Variants in NT5C1B observed in about 807,000 individuals in gnomAD.
NT5C1B encodes 5'-nucleotidase, cytosolic IB, also known as cytosolic 5'-nucleotidase 1B.
NT5C1B carries 44 observed loss-of-function variants against 57.8 expected under a neutral mutation model. The observed-to-expected ratio is 0.76, with a 90% CI of 0.60 to 0.98. NT5C1B has a LOEUF of 0.98. Among genes scored for constraint, NT5C1B ranks in the 50% least tolerant of loss-of-function variants. The pLI, the probability that NT5C1B is intolerant of heterozygous loss-of-function variation, is 0.00. For missense variants in NT5C1B, 742 were observed against 719.5 expected, an observed-to-expected ratio of 1.03 and a Z score of -0.36; for synonymous variants, 284 against 282.6, an observed-to-expected ratio of 1.00 and a Z score of -0.05.
chr2:18,585,046 T>C (rs1666573689), intron 3 of NT5C1B, 68 bp from the exon 4 acceptor site: 2 of 1,585,420 alleles, frequency 1.3e-6, no homozygotes, highest in African/African-American at 1.3e-5. Context: ...GATCTGTCCC[T>C]TCTGCCTATT....
intron 8 of NT5C1B, among the ~76,000 whole-genome samples, chr2:18,574,804 A>G (rs1372622373): frequency 2.0e-5 from 3 of 152,134 alleles, no homozygotes; most frequent in Non-Finnish European, 4.4e-5. Flanking sequence ...TGGATAGATC[A>G]TATGCTAAGT....
At chr2:18,589,367 A>T in intron 1 of NT5C1B, 72 bp downstream of exon 1, 2 of 1,601,554 alleles carry the variant, frequency 1.2e-6, no homozygotes, top group Non-Finnish European at 1.7e-6. Flanking sequence ...GCCTTTGCAG[A>T]GGCAAATGAT....
intron 5 of NT5C1B, 71 bp from the exon 6 acceptor site, chr2:18,583,068 G>A (rs1196422050): frequency 5.8e-6 from 9 of 1,546,246 alleles, no homozygotes; most frequent in Non-Finnish European, 7.0e-6. Flanking sequence ...CGGAGAGGAA[G>A]CATCTCATCA....
intron 8 of NT5C1B, among the ~76,000 whole-genome samples, chr2:18,568,087 GACACACACACACACACACACACACAC>G: frequency 7.0e-6 from 1 of 142,706 alleles, no homozygotes; most frequent in Non-Finnish European, 1.5e-5. Context: ...AATGCTGTGG[GACACACACACACACACACACACACAC>G]ACACACACAC....
intron 8 of NT5C1B, among the ~76,000 whole-genome samples, chr2:18,569,986 G>C (rs1049620305): frequency 1.4e-4 from 22 of 151,988 alleles, no homozygotes; most frequent in Admixed American, 1.4e-3. Flanking sequence ...TTAAATAATT[G>C]AGATACAAAA....
chr2:18,567,191 G>A (rs1474342822), intron 8 of NT5C1B, among the ~76,000 whole-genome samples: 1 of 152,110 alleles, frequency 6.6e-6, no homozygotes, highest in African/African-American at 2.4e-5. Flanking sequence ...GATGGTACAG[G>A]TGTGGAGGAG....
chr2:18,585,427 G>T (rs1264586672), intron 3 of NT5C1B, among the ~76,000 whole-genome samples: 1 of 152,152 alleles, frequency 6.6e-6, no homozygotes, highest in African/African-American at 2.4e-5. Flanking sequence ...AAGTGGGCCA[G>T]ACATTCTCAC....
intron 1 of NT5C1B, among the ~76,000 whole-genome samples, chr2:18,588,415 C>T (rs1666918823): frequency 6.7e-6 from 1 of 148,334 alleles, no homozygotes; most frequent in Non-Finnish European, 1.5e-5. Flanking sequence ...TCCGTTTATG[C>T]TCTGTGTCTT....
chr2:18,572,897 A>C (rs1485304649), intron 8 of NT5C1B, among the ~76,000 whole-genome samples: 1 of 152,242 alleles, frequency 6.6e-6, no homozygotes, highest in African/African-American at 2.4e-5. Flanking sequence ...ACTGTATCTC[A>C]TCAAATAAAA....
At chr2:18,573,193 G>A (rs990813162) in intron 8 of NT5C1B, among the ~76,000 whole-genome samples, 22 of 152,110 alleles carry the variant, frequency 1.4e-4, no homozygotes, top group African/African-American at 5.3e-4. Context: ...ATTGCATCGT[G>A]TATGATTCCA....
At chr2:18,572,011 G>A (rs1354002437) in intron 8 of NT5C1B, among the ~76,000 whole-genome samples, 12 of 148,598 alleles carry the variant, frequency 8.1e-5, no homozygotes, top group East Asian at 4.0e-4. Flanking sequence ...TCTTGAACCC[G>A]GGAGGCGAAG....
chr2:18,584,112 C>T lies in NT5C1B; in HGVS notation c.867G>A (p.Pro289=). The T allele has an allele frequency of 4.3e-6, 7 of 1,614,130 alleles. No homozygotes were observed. Among genetic ancestry groups the T allele is most frequent in the East Asian group, 2.2e-5 (1 of 44,872 alleles). Residue 289 remains proline, a synonymous_variant, in exon 5 of 9, where the codon CCG becomes CCA. Coordinates refer to ENST00000304081, the Ensembl canonical transcript of NT5C1B. The surrounding 1 kb of genome is among the most constrained non-coding windows in gnomAD (Gnocchi z 5.8). Reference sequence around the variant, plus strand: ...CCTTGACGAAGCGGAACGCCGGGCCCGGGGTCAGGATGACGTTCTCATTGG... The same window carrying T: ...CCTTGACGAAGCGGAACGCCGGGCCTGGGGTCAGGATGACGTTCTCATTGG...
At position 18,582,985 on chromosome 2, in the gene NT5C1B, C is replaced by A. The variant is rs942515054; in HGVS notation, c.904G>T (p.Val302Phe). The change falls in exon 6 of 9, where the codon GTC becomes TTC. Residue 302 changes from valine to phenylalanine, a missense_variant. Transcript: ENST00000304081. Reference sequence around the variant, plus strand: ...TATAGATCACGGAGTCTAGCATTGACATACTGTAGTGCCTGCAGGTTACAA... The same window carrying A: ...TATAGATCACGGAGTCTAGCATTGAAATACTGTAGTGCCTGCAGGTTACAA... 1.9e-6 allele frequency: 3 copies of A among 1,613,410 alleles called. No homozygotes were observed. The African/African-American group carries it at 4.0e-5, about 22-fold the overall frequency.
chr2:18,577,702 GA>G (rs565122984), intron 6 of NT5C1B, among the ~76,000 whole-genome samples: 19 of 135,360 alleles, frequency 1.4e-4, no homozygotes, highest in South Asian at 2.3e-4. Context: ...AGAGAAACTA[GA>G]AAAAAAAAAG....
At chr2:18,581,373 G>T (rs964542411) in intron 6 of NT5C1B, among the ~76,000 whole-genome samples, 7 of 151,928 alleles carry the variant, frequency 4.6e-5, no homozygotes, top group Non-Finnish European at 8.8e-5. Flanking sequence ...AGCAAAACAT[G>T]TTCAACAATG....
intron 1 of NT5C1B, among the ~76,000 whole-genome samples, chr2:18,587,937 A>C (rs1469209144): frequency 6.6e-6 from 1 of 152,164 alleles, no homozygotes; most frequent in Non-Finnish European, 1.5e-5. Flanking sequence ...TATTACTCTG[A>C]AGATTGCTAC....
intron 2 of NT5C1B, 135 bp downstream of exon 2, chr2:18,587,368 A>G (rs1666815076): frequency 2.0e-6 from 3 of 1,495,726 alleles, no homozygotes; most frequent in East Asian, 2.3e-5. Context: ...TAACCTTCTC[A>G]TGAGGACATT....
exon 9 of NT5C1B, chr2:18,563,868 C>T: frequency 6.2e-7 from 1 of 1,613,790 alleles, no homozygotes; most frequent in South Asian, 1.1e-5. Flanking sequence ...CAATGTGGAA[C>T]ATGTGGTCAT....
chr2:18,575,136 T>C (rs927040923), intron 8 of NT5C1B, among the ~76,000 whole-genome samples: 1 of 152,038 alleles, frequency 6.6e-6, no homozygotes, highest in Non-Finnish European at 1.5e-5. Flanking sequence ...AAGTGTTCTT[T>C]TTATGGAGGA....
Sources: gnomAD v4.1 joint callset for allele counts (sites outside exome capture counted in the v4.1 genomes callset) on GRCh38, gnomAD v4.1.1 for gene constraint, Gnocchi (gnomAD v3.1) non-coding constraint, MANE v1.5 for transcripts, NCBI Gene and HGNC (gene_info 2026-07-23, HGNC 2026-07-21) for gene names.